SLC16A4: variants seen among roughly 807,000 people sequenced by gnomAD.
SLC16A4 encodes solute carrier family 16 member 4.
SLC16A4 carries 39 observed loss-of-function variants against 47.9 expected under a neutral mutation model. The observed-to-expected ratio is 0.81, with a 90% confidence interval of 0.63 to 1.06. The LOEUF (loss-of-function observed/expected upper bound fraction) is 1.06. Ranked by LOEUF, SLC16A4 falls within the 50% of genes least tolerant of loss-of-function variation. SLC16A4 has a pLI of 0.00. For synonymous variants in SLC16A4, 189 were observed against 199.9 expected (o/e 0.95, Z 0.46); for missense variants, 524 against 573.8 (o/e 0.91, Z 0.89).
intron 6 of SLC16A4, among the ~76,000 whole-genome samples, chr1:110,377,615 G>T (rs562451962): frequency 6.6e-6 from 1 of 152,264 alleles, no homozygotes; most frequent in Non-Finnish European, 1.5e-5. Context: ...TAAAAAAGGA[G>T]ATGTTGGGAC....
chr1:110,382,616 A>G (rs1176865657), intron 3 of SLC16A4, among the ~76,000 whole-genome samples: 1 of 152,194 alleles, frequency 6.6e-6, no homozygotes, highest in Admixed American at 6.5e-5. Flanking sequence ...GCATTTAATA[A>G]TTCCTCAGCT....
intron 8 of SLC16A4, among the ~76,000 whole-genome samples, chr1:110,366,458 C>T (rs1661405135): frequency 6.6e-6 from 1 of 152,180 alleles, no homozygotes; most frequent in Non-Finnish European, 1.5e-5. Flanking sequence ...AATGCTGTTT[C>T]TGAAACATTA....
chr1:110,366,194 T>C (rs1661383043), intron 8 of SLC16A4, among the ~76,000 whole-genome samples: 1 of 152,040 alleles, frequency 6.6e-6, no homozygotes. Flanking sequence ...AGCCTCGCTC[T>C]GTTGCCCAGG....
chr1:110,369,304 T>C (rs780536069), intron 8 of SLC16A4, among the ~76,000 whole-genome samples: 2 of 152,006 alleles, frequency 1.3e-5, no homozygotes, highest in Non-Finnish European at 2.9e-5. Flanking sequence ...GGTCATCTTA[T>C]TGAAACTTAA....
Position 110,389,267 on chromosome 1 carries a change from C to G in SLC16A4, c.57G>C (p.Trp19Cys), listed in dbSNP as rs763328677. The G allele has an allele frequency of 6.2e-6, 10 of 1,613,858 alleles. No homozygotes were observed. In the Admixed American group the frequency reaches 8.3e-5, roughly 13 times the overall value. The change falls in exon 2 of 9, where the codon TGG (tryptophan) becomes TGC (cysteine). Residue 19 changes from tryptophan to cysteine, a missense_variant. Trp to Cys is a radical substitution (Grantham distance 215, BLOSUM62 -2). Coordinates refer to ENST00000369779, the MANE Select transcript of SLC16A4 (RefSeq NM_004696.3). Reference protein sequence around the residue: ...QPYTKTLDGGWGWMIVIHFFL... With the variant: ...QPYTKTLDGGCGWMIVIHFFL... ...AAAAATGAATCACAATCATCCATCC[C>G]CATCCTCCATCCAGGGTTTTAGTGT...
Position 110,363,875 on chromosome 1 carries a change from G to A in SLC16A4, c.1355C>T (p.Thr452Ile). Residue 452 changes from threonine to isoleucine, a missense_variant, in exon 9 of 9, where the codon ACC becomes ATC. Transcript: ENST00000369779. ...PPIAGWLYDY[T>I]QTYNGSFYFS... is the part of the protein sequence containing the mutation. ...GTAGAAAGAGCCATTGTATGTCTGG[G>A]TATAATCATATAACCAGCCTGGAAG... 4 of 1,611,172 alleles carry A rather than the reference G, an allele frequency of 2.5e-6. No individual in the cohort carries two copies. The highest frequency in any genetic ancestry group is 1.7e-5 in the Admixed American group (1 of 59,484).
At position 110,363,422 on chromosome 1, in the gene SLC16A4, G is replaced by T. The variant is rs551190092; in HGVS notation, c.*344C>A. The T allele has an allele frequency of 8.3e-4, 131 of 158,726 alleles. No homozygotes were observed. Among genetic ancestry groups the T allele is most frequent in the Middle Eastern group, 3.2e-3 (1 of 314 alleles). 9.8% of individuals were successfully genotyped at this position (158,726 alleles called of 1,614,324 possible). ...CGGGCGGATCACGAGGTCAGGAGAT[G>T]GAGACCATCCTGGCTAACATGGTGA... On this transcript the variant is annotated 3_prime_UTR_variant, in exon 9 of 9. Transcript: ENST00000369779.
chr1:110,364,524 A>G (rs1166035311), intron 8 of SLC16A4, among the ~76,000 whole-genome samples: 3 of 125,062 alleles, frequency 2.4e-5, no homozygotes, highest in African/African-American at 3.2e-5. Flanking sequence ...TTTTTTTGAG[A>G]CAGAGGCTTG....
chr1:110,367,805 C>T (rs1019321231), intron 8 of SLC16A4, among the ~76,000 whole-genome samples: 3 of 151,976 alleles, frequency 2.0e-5, no homozygotes, highest in African/African-American at 7.2e-5. Context: ...GCACTTCGGA[C>T]CCTAAACGGT....
At position 110,390,435 on chromosome 1, in the gene SLC16A4, A is replaced by G. The variant is rs556474335; in HGVS notation, c.-33+430T>C. Among the ~76,000 whole-genome samples the G allele has an allele frequency of 1.1e-4, 16 of 152,320 alleles. No homozygotes were observed. The South Asian group carries it at 3.3e-3, about 32-fold the overall frequency. ...TACCCGCTTATTGAATATATCCTAG[A>G]TCAGAAAAAAAAGTTGTAAAAGACA... On this transcript the variant is annotated intron_variant, in intron 1 of 8. Transcript: ENST00000369779.
At chr1:110,387,050 A>T (rs1308834339) in intron 2 of SLC16A4, among the ~76,000 whole-genome samples, 1 of 152,184 alleles carries the variant, frequency 6.6e-6, no homozygotes, top group Non-Finnish European at 1.5e-5. Context: ...CTCAAGAGCC[A>T]TTCTCATCTC....
chr1:110,379,325 C>T lies in SLC16A4; in HGVS notation c.558G>A (p.Leu186=), dbSNP rs1662219562. The change falls in exon 6 of 9, where the codon TTG becomes TTA. Residue 186 remains leucine (L), a synonymous_variant. Coordinates refer to ENST00000369779, the MANE Select transcript of SLC16A4 (RefSeq NM_004696.3). ...AGAGCATACTAGAAGGCACCAAATT[C>T]AATGCGATAGCTCCAAATAATATAA... ...GALILFGAIA[L]NLVPSSMLLR... 2 of 1,605,152 alleles carry T rather than the reference C, an allele frequency of 1.2e-6. No homozygotes were observed. The highest frequency in any genetic ancestry group is 4.5e-5 in the East Asian group (2 of 44,602).
chr1:110,386,963 G>A (rs1662768806), intron 2 of SLC16A4, among the ~76,000 whole-genome samples: 1 of 152,116 alleles, frequency 6.6e-6, no homozygotes, highest in South Asian at 2.1e-4. Flanking sequence ...CCTCTCAGTA[G>A]CATCTGCTCG....
chr1:110,388,373 T>C (rs1662845078), intron 2 of SLC16A4, among the ~76,000 whole-genome samples: 1 of 152,208 alleles, frequency 6.6e-6, no homozygotes, highest in South Asian at 2.1e-4. Context: ...TTCAAAATCC[T>C]TGTCCTCCCT....
intron 2 of SLC16A4, among the ~76,000 whole-genome samples, chr1:110,386,713 A>G (rs1190219522): frequency 6.6e-6 from 1 of 152,204 alleles, no homozygotes; most frequent in Non-Finnish European, 1.5e-5. Flanking sequence ...TTTATCTAAT[A>G]ACAACTTCTT....
intron 2 of SLC16A4, among the ~76,000 whole-genome samples, chr1:110,384,325 CAA>C (rs899934205): frequency 1.3e-5 from 2 of 152,200 alleles, no homozygotes; most frequent in South Asian, 4.1e-4. Flanking sequence ...TTGAGACACT[CAA>C]GAGTGAAAAG....
At chr1:110,367,863 CTG>C (rs2100986823) in intron 8 of SLC16A4, among the ~76,000 whole-genome samples, 1 of 152,220 alleles carries the variant, frequency 6.6e-6, no homozygotes, top group East Asian at 1.9e-4. Flanking sequence ...GAATCTCACT[CTG>C]TTGCCCAGGC....
chr1:110,379,245 C>G lies in SLC16A4; in HGVS notation c.638G>C (p.Ser213Thr). 1 of 1,614,172 alleles carries G rather than the reference C, an allele frequency of 6.2e-7. No homozygotes were observed. Among genetic ancestry groups the G allele is most frequent in the African/African-American group, 1.3e-5 (1 of 75,034 alleles). The change falls in exon 6 of 9, where the codon AGC becomes ACC. Residue 213 changes from serine (S) to threonine (T), a missense_variant. Physicochemically the swap from Ser to Thr is moderately conservative, Grantham distance 58. Coordinates refer to ENST00000369779, the MANE Select transcript of SLC16A4 (RefSeq NM_004696.3). The stretch of plus-strand genomic sequence containing the variant: ...CTCTGGACCATGTGCAGACAAACTG[C>G]TGCCTTTATCTTTAATACCAGAATT... The part of the protein sequence containing the change: ...ENNSGIKDKG[S>T]SLSAHGPEAH...
chr1:110,370,686 G>A (rs1408445540), intron 8 of SLC16A4: 2 of 152,078 alleles, frequency 1.3e-5, no homozygotes, highest in Non-Finnish European at 2.9e-5. Context: ...ACTTCTTTAG[G>A]AGCTAGCTGA....
Sources: gnomAD v4.1 joint callset for allele counts (sites outside exome capture counted in the v4.1 genomes callset) on GRCh38, gnomAD v4.1.1 for gene constraint, MANE v1.5 for transcripts, NCBI Gene and HGNC (gene_info 2026-07-23, HGNC 2026-07-21) for gene names.